DCDC2: variants seen among roughly 807,000 people sequenced by gnomAD.
The protein encoded by DCDC2 is doublecortin domain containing 2, also known as doublecortin domain-containing protein 2.
A neutral mutation model predicts 50.2 loss-of-function variants in DCDC2; 40 were observed. The ratio of observed to expected loss-of-function variants is 0.80; its 90% CI spans 0.62 to 1.04. The LOEUF (loss-of-function observed/expected upper bound fraction) is 1.04, where lower values mean the gene tolerates loss of function less well. DCDC2 is among the 50% of genes least tolerant of loss of function. The probability of loss-of-function intolerance (pLI) is 0.00; values close to 1 mark genes in which losing one functional copy is unlikely to be tolerated. For missense variants in DCDC2, 570 were observed against 581.9 expected, an observed-to-expected ratio of 0.98 and a Z score of 0.21; for synonymous variants, 234 against 210.6, an observed-to-expected ratio of 1.11 and a Z score of -0.96.
intron 7 of DCDC2, among the ~76,000 whole-genome samples, chr6:24,238,078 GT>G (rs140189124): frequency 0.3 from 16,410 of 55,520 alleles, 3,569 homozygotes; most frequent in Non-Finnish European, 0.43. Context: ...AAAATAAAAG[GT>G]TTTTTTTTTT....
chr6:24,363,988 C>T, the DCDC2 span, among the ~76,000 whole-genome samples: 1 of 152,056 alleles, frequency 6.6e-6, no homozygotes, highest in Non-Finnish European at 1.5e-5. Flanking sequence ...CTTTAGTTTC[C>T]ATCTCTTCTC....
chr6:24,210,019 GGTGT>G (rs71002475), intron 7 of DCDC2, among the ~76,000 whole-genome samples: 6,677 of 145,120 alleles, frequency 0.046, 198 homozygotes, highest in Admixed American at 0.087. Flanking sequence ...GCAGTATCAG[GGTGT>G]GTGTGTGTGT....
chr6:24,342,073 T>A (rs1276801985), intron 2 of DCDC2, among the ~76,000 whole-genome samples: 1 of 152,194 alleles, frequency 6.6e-6, no homozygotes, highest in African/African-American at 2.4e-5. Flanking sequence ...CACAGATGAC[T>A]TCATATACTG....
At chr6:24,367,081 C>T in the DCDC2 span, among the ~76,000 whole-genome samples, 3 of 152,164 alleles carry the variant, frequency 2.0e-5, no homozygotes, top group Non-Finnish European at 4.4e-5. Context: ...AGCAATCCCC[C>T]CATCTTGGCC....
the DCDC2 span, among the ~76,000 whole-genome samples, chr6:24,368,469 C>T: frequency 6.6e-6 from 1 of 151,848 alleles, no homozygotes; most frequent in African/African-American, 2.4e-5. Context: ...CACGTATTAC[C>T]CACAAAGAAA....
intron 4 of DCDC2, among the ~76,000 whole-genome samples, chr6:24,292,928 C>T (rs909838330): frequency 2.6e-5 from 4 of 152,204 alleles, no homozygotes; most frequent in Non-Finnish European, 4.4e-5. Context: ...CAAAATCATA[C>T]CTGCTTGAGA....
chr6:24,183,125 C>T (rs1052319202), intron 8 of DCDC2, among the ~76,000 whole-genome samples: 9 of 151,986 alleles, frequency 5.9e-5, no homozygotes, highest in African/African-American at 1.9e-4. Flanking sequence ...TGCTGATTGC[C>T]AGGTTGAGGG....
intron 8 of DCDC2, among the ~76,000 whole-genome samples, chr6:24,194,977 G>C (rs1761400211): frequency 6.6e-6 from 1 of 152,134 alleles, no homozygotes; most frequent in Non-Finnish European, 1.5e-5. Context: ...AATGAAAAGA[G>C]TCTGGACCTT....
chr6:24,195,390 T>C (rs867338169), intron 8 of DCDC2, among the ~76,000 whole-genome samples: 11 of 152,288 alleles, frequency 7.2e-5, no homozygotes, highest in Middle Eastern at 3.4e-3. Context: ...TATAGTAAAA[T>C]ACATATTACA....
intron 6 of DCDC2, among the ~76,000 whole-genome samples, chr6:24,283,658 C>T (rs1763530007): frequency 1.3e-5 from 2 of 152,182 alleles, no homozygotes; most frequent in Non-Finnish European, 2.9e-5. Flanking sequence ...TCACTCACAC[C>T]CCTCCTCGCA....
chr6:24,368,747 A>G, the DCDC2 span, among the ~76,000 whole-genome samples: 3 of 152,222 alleles, frequency 2.0e-5, no homozygotes, highest in African/African-American at 4.8e-5. Flanking sequence ...GAATGAAGAC[A>G]CTGGTAACTA....
chr6:24,356,074 C>T (rs183286875), intron 1 of DCDC2, among the ~76,000 whole-genome samples: 2 of 151,862 alleles, frequency 1.3e-5, no homozygotes, highest in Non-Finnish European at 2.9e-5. Flanking sequence ...TAGGTATACA[C>T]CAAAGAGAAA....
intron 2 of DCDC2, among the ~76,000 whole-genome samples, chr6:24,325,128 C>T (rs1480290052): frequency 6.7e-6 from 1 of 150,096 alleles, no homozygotes; most frequent in Non-Finnish European, 1.5e-5. Context: ...TAATCCAAAA[C>T]CAGAATCTCC....
At chr6:24,370,572 T>G in the DCDC2 span, among the ~76,000 whole-genome samples, 1 of 152,020 alleles carries the variant, frequency 6.6e-6, no homozygotes, top group Admixed American at 6.6e-5. Flanking sequence ...TAGCCAGGTG[T>G]GGTGGCACGC....
At position 24,189,827 on chromosome 6, in the gene DCDC2, G is replaced by C. The variant is rs78012606; in HGVS notation, c.1024-11195C>G. Among the ~76,000 whole-genome samples the C allele has an allele frequency of 5.1e-4, 78 of 152,244 alleles. No homozygotes were observed. The East Asian group carries it at 0.015, about 29-fold the overall frequency. ...AACATTTATGAAGTTTCAAATTTGG[G>C]AAAGTGTGTGGATTTGTTACAGGTT... On this transcript the variant is annotated intron_variant, in intron 8 of 9. Transcript: ENST00000378454.
chr6:24,218,047 T>C (rs941336127), intron 7 of DCDC2, among the ~76,000 whole-genome samples: 1 of 151,206 alleles, frequency 6.6e-6, no homozygotes, highest in African/African-American at 2.4e-5. Context: ...AGCAATTCTA[T>C]TGGACTCCAT....
chr6:24,195,286 G>A (rs1208059881), intron 8 of DCDC2, among the ~76,000 whole-genome samples: 1 of 152,198 alleles, frequency 6.6e-6, no homozygotes, highest in Non-Finnish European at 1.5e-5. Context: ...TTCCCACAAT[G>A]AGAAGGGGGC....
chr6:24,204,989 G>A lies in DCDC2; in HGVS notation c.1023+13C>T, dbSNP rs1761677053. On this transcript the variant is annotated intron_variant, in intron 8 of 9. Coordinates refer to ENST00000378454, the MANE Select transcript of DCDC2 (RefSeq NM_016356.5). ...AATTGTCTTACACATATTTTTTAAGGCATGGAGATTACCTGATCGACTGGA... is the reference window on the plus strand; with the variant it reads ...AATTGTCTTACACATATTTTTTAAGACATGGAGATTACCTGATCGACTGGA... 2 of 1,605,192 alleles carry A rather than the reference G, an allele frequency of 1.2e-6. No homozygotes were observed. Among genetic ancestry groups the A allele is most frequent in the South Asian group, 2.2e-5 (2 of 89,810 alleles).
the DCDC2 span, among the ~76,000 whole-genome samples, chr6:24,377,161 C>A: frequency 6.6e-6 from 1 of 152,192 alleles, no homozygotes; most frequent in Admixed American, 6.5e-5. Context: ...AGATGGACTA[C>A]GTAGCTGCCA....
Sources: allele counts gnomAD v4.1 joint callset (sites outside exome capture counted in the v4.1 genomes callset), GRCh38; gene constraint gnomAD v4.1.1; transcripts MANE v1.5; gene names NCBI Gene and HGNC (gene_info 2026-07-23, HGNC 2026-07-21).